The following SEMA4G variants were observed in gnomAD, a reference collection of about 807,000 sequenced individuals.
SEMA4G encodes the protein semaphorin-4G.
Under a neutral mutation model 81.2 loss-of-function variants are expected in SEMA4G, and 59 were observed. The ratio of observed to expected loss-of-function variants is 0.73; its 90% CI spans 0.59 to 0.90. The LOEUF (loss-of-function observed/expected upper bound fraction) is 0.90, where lower values mean the gene tolerates loss of function less well. Ranked by LOEUF, SEMA4G falls within the 40% of genes least tolerant of loss-of-function variation. The pLI is 0.00. For synonymous variants in SEMA4G, 404 were observed against 433.9 expected, an observed-to-expected ratio of 0.93 and a Z score of 0.86; for missense variants, 952 against 1,102.3, an observed-to-expected ratio of 0.86 and a Z score of 1.93.
chr10:100,983,561 A>G, exon 14 of SEMA4G: 1 of 1,613,832 alleles, frequency 6.2e-7, no homozygotes, highest in South Asian at 1.1e-5. Context: ...ATAGTCTCAC[A>G]GTCCGGCCAG....
exon 14 of SEMA4G, chr10:100,984,829 T>C: frequency 6.6e-7 from 1 of 1,521,890 alleles, no homozygotes. Flanking sequence ...TCCCCTCCTC[T>C]CCCTTCCTGT....
chr10:100,983,978 G>A, exon 14 of SEMA4G: 2 of 1,611,672 alleles, frequency 1.2e-6, no homozygotes, highest in Non-Finnish European at 1.7e-6. Context: ...CCAGCCGGCT[G>A]CGGAGGATGA....
At chr10:100,972,640 C>T (rs1850665683) in exon 1 of SEMA4G, 3 of 409,668 alleles carry the variant, frequency 7.3e-6, no homozygotes, top group Non-Finnish European at 8.8e-6. Context: ...ATGGAGTTTG[C>T]ATTTGATGCA....
downstream of SEMA4G, chr10:100,985,014 G>C: frequency 8.7e-7 from 1 of 1,147,110 alleles, no homozygotes; most frequent in South Asian, 1.7e-5. Flanking sequence ...TCTTGGACCT[G>C]TCTGTTGGGT....
exon 1 of SEMA4G, chr10:100,972,870 G>A (rs1564791838): frequency 1.3e-6 from 2 of 1,574,266 alleles, no homozygotes; most frequent in Admixed American, 4.2e-5. Context: ...CTGTGACTCT[G>A]GCTCCCTTTG....
At chr10:100,969,957 T>C (rs942806524), upstream of SEMA4G, 3 of 436,918 alleles carry the variant, frequency 6.9e-6, no homozygotes, top group Admixed American at 4.7e-5. Flanking sequence ...GACCGCGGAC[T>C]GTCCAGGATG....
At chr10:100,971,658 G>T (rs569564580), upstream of SEMA4G, among the ~76,000 whole-genome samples, 1 of 152,260 alleles carries the variant, frequency 6.6e-6, no homozygotes, top group African/African-American at 2.4e-5. Context: ...ACCTCACCCA[G>T]CCCAGGAACT....
exon 12 of SEMA4G, chr10:100,980,908 C>T: frequency 1.2e-6 from 2 of 1,612,640 alleles, no homozygotes; most frequent in Non-Finnish European, 8.5e-7. Flanking sequence ...ATGACTGCAT[C>T]TTGGCCCGAG....
At chr10:100,969,860 C>G (rs530008571), upstream of SEMA4G, 1,061 of 455,784 alleles carry the variant, frequency 2.3e-3, 4 homozygotes, top group Non-Finnish European at 3.9e-3. Context: ...ATCTGGGTCA[C>G]GTCTCCCGGC....
chr10:100,971,829 T>C (rs1351147820), upstream of SEMA4G, among the ~76,000 whole-genome samples: 1 of 152,138 alleles, frequency 6.6e-6, no homozygotes, highest in African/African-American at 2.4e-5. Flanking sequence ...CTTCTTCACG[T>C]TGCTTATGTC....
chr10:100,983,415 A>G (rs776051888), exon 14 of SEMA4G: 11 of 1,613,102 alleles, frequency 6.8e-6, no homozygotes, highest in Admixed American at 6.7e-5. Context: ...CAATGGGAGC[A>G]TGGGCCTGAG....
At chr10:100,970,373 C>G (rs1050881565), upstream of SEMA4G, among the ~76,000 whole-genome samples, 1 of 152,092 alleles carries the variant, frequency 6.6e-6, no homozygotes, top group Non-Finnish European at 1.5e-5. Context: ...CCTTTAGAAC[C>G]GCAATATACA....
chr10:100,978,621 A>C, exon 6 of SEMA4G: 1 of 1,613,958 alleles, frequency 6.2e-7, no homozygotes, highest in Non-Finnish European at 8.5e-7. Flanking sequence ...CTGAGGAGAC[A>C]CCAATGCATT....
At position 100,973,761 on chromosome 10, in the gene SEMA4G, G is replaced by C; in HGVS notation, c.336+152G>C. 1 of 706,202 alleles carries C rather than the reference G, an allele frequency of 1.4e-6. No homozygotes were observed. The highest frequency in any genetic ancestry group is 3.0e-5 in the Admixed American group (1 of 32,858). 43.7% of individuals were successfully genotyped at this position (706,202 alleles called of 1,614,324 possible). On this transcript the variant is annotated intron_variant, in intron 3 of 13. Transcript: ENST00000370250. The surrounding 1 kb of genome is among the most constrained non-coding windows in gnomAD (Gnocchi z 5.5). ...ATTGTAAGTATTGCCAGAGTGGCAA[G>C]CCATGGGCACAGCATTTTTTTTTTT...
At chr10:100,972,778 A>T (rs1451781054) in exon 1 of SEMA4G, 1 of 843,144 alleles carries the variant, frequency 1.2e-6, no homozygotes, top group East Asian at 2.6e-5. Flanking sequence ...GACTCCTATG[A>T]CCTTATGACC....
intron 8 of SEMA4G, 115 bp downstream of exon 9, chr10:100,979,386 ATTTTT>A (rs35784439): frequency 6.8e-6 from 10 of 1,464,876 alleles, no homozygotes; most frequent in Middle Eastern, 2.2e-4. Context: ...CAAAGTGAGA[ATTTTT>A]TTTTTTTTTT....
intron 3 of SEMA4G, among the ~76,000 whole-genome samples, chr10:100,974,610 T>C (rs562796968): frequency 6.6e-6 from 1 of 152,346 alleles, no homozygotes; most frequent in African/African-American, 2.4e-5. Flanking sequence ...ATTATCTCAG[T>C]TAATTCTAAA....
At chr10:100,980,544 G>T (rs1438596234) in intron 10 of SEMA4G, 34 bp from the exon 12 acceptor site, 2 of 1,559,648 alleles carry the variant, frequency 1.3e-6, no homozygotes, top group Non-Finnish European at 1.8e-6. Flanking sequence ...AGATCCCATA[G>T]TTGGGGTCTA....
At chr10:100,984,972 C>A, downstream of SEMA4G, 1 of 1,377,492 alleles carries the variant, frequency 7.3e-7, no homozygotes, top group Non-Finnish European at 9.6e-7. Context: ...CTTACATTTC[C>A]ACTCACATGC....
Sources: allele counts gnomAD v4.1 joint callset (sites outside exome capture counted in the v4.1 genomes callset), GRCh38; gene constraint gnomAD v4.1.1; non-coding constraint Gnocchi (gnomAD v3.1); transcripts MANE v1.5; gene names NCBI Gene and HGNC (gene_info 2026-07-23, HGNC 2026-07-21).